PRSS3: variants seen among roughly 807,000 people sequenced by gnomAD.
PRSS3 encodes serine protease 3, also known as trypsin-3.
Under a neutral mutation model 20.8 loss-of-function variants are expected in PRSS3, and 14 were observed. The observed-to-expected ratio is 0.67, with a 90% CI of 0.44 to 1.05. The LOEUF (loss-of-function observed/expected upper bound fraction) is 1.05, where lower values mean the gene tolerates loss of function less well. Ranked by LOEUF, PRSS3 falls within the 50% of genes least tolerant of loss-of-function variation. The pLI, the probability that PRSS3 is intolerant of heterozygous loss-of-function variation, is 0.00. For synonymous variants in PRSS3, 91 were observed against 117.6 expected (o/e 0.77, Z 1.46); for missense variants, 237 against 306.4 (o/e 0.77, Z 1.69).
At chr9:33,755,673 C>G (rs1199835343) in intron 1 of PRSS3, among the ~76,000 whole-genome samples, 1 of 152,182 alleles carries the variant, frequency 6.6e-6, no homozygotes, top group African/African-American at 2.4e-5. Flanking sequence ...CAGTCTTTCC[C>G]CCCACCCCAT....
intron 1 of PRSS3, among the ~76,000 whole-genome samples, chr9:33,768,431 G>A (rs904423761): frequency 4.0e-5 from 6 of 151,490 alleles, no homozygotes; most frequent in African/African-American, 1.5e-4. Flanking sequence ...AGTGAGCTGA[G>A]ATAGCACCAC....
chr9:33,762,517 CTTG>C (rs1313557231), intron 1 of PRSS3, among the ~76,000 whole-genome samples: 1 of 152,206 alleles, frequency 6.6e-6, no homozygotes, highest in Non-Finnish European at 1.5e-5. Flanking sequence ...AGGTATTAAC[CTTG>C]TTATTTGCAG....
At chr9:33,772,072 A>G (rs1287984703) in intron 1 of PRSS3, among the ~76,000 whole-genome samples, 4 of 151,704 alleles carry the variant, frequency 2.6e-5, no homozygotes, top group African/African-American at 9.7e-5. Context: ...GGGTTTCACC[A>G]TGTTGGCCAG....
In PRSS3 at chr9:33,787,168, T is replaced by A. The variant is rs556562012; in HGVS notation, c.-52-7578T>A. Among the ~76,000 whole-genome samples, 3 of 152,310 alleles carry A rather than the reference T, an allele frequency of 2.0e-5. No homozygotes were observed. In the South Asian group the frequency reaches 6.2e-4, roughly 32 times the overall value. Reference sequence around the variant, plus strand: ...TTCCTTCAAGTGGCAGGGTCAGTAATAGCCTTTAACTGTTTTATCTCAAGG... The same window carrying A: ...TTCCTTCAAGTGGCAGGGTCAGTAAAAGCCTTTAACTGTTTTATCTCAAGG... On this transcript the variant is annotated intron_variant, in intron 1 of 5. Coordinates refer to the PRSS3 transcript ENST00000342836.
chr9:33,764,118 A>T (rs1171515054), intron 1 of PRSS3, among the ~76,000 whole-genome samples: 1 of 152,248 alleles, frequency 6.6e-6, no homozygotes, highest in Non-Finnish European at 1.5e-5. Context: ...GATAGACAAG[A>T]TGCCAAGACA....
Position 33,770,439 on chromosome 9 carries a change from C to G in PRSS3, c.-53+19712C>G, listed in dbSNP as rs145031039. Among the ~76,000 whole-genome samples, 16 of 152,210 alleles carry G rather than the reference C, an allele frequency of 1.1e-4. No individual in the cohort carries two copies. In the East Asian group the frequency reaches 2.9e-3, roughly 28 times the overall value. On this transcript the variant is annotated intron_variant, in intron 1 of 5. Coordinates refer to the PRSS3 transcript ENST00000342836. ...CTGGTCTGGGTTAAGACTTCTGGCACTGTTGGGATGGGGATGAGTGTATTT... is the reference window on the plus strand; with the variant it reads ...CTGGTCTGGGTTAAGACTTCTGGCAGTGTTGGGATGGGGATGAGTGTATTT...
At chr9:33,763,820 A>C (rs1018420935) in intron 1 of PRSS3, among the ~76,000 whole-genome samples, 1 of 151,572 alleles carries the variant, frequency 6.6e-6, no homozygotes, top group African/African-American at 2.4e-5. Context: ...TGCATGTGTT[A>C]TTTGCTCTGA....
In PRSS3 at chr9:33,763,322, C is replaced by A. The variant is rs190692612; in HGVS notation, c.-53+12595C>A. ...GTTTGATTTTACTTTTAAGTATATT[C>A]TTTTGGTCAGTCCCAGTCTAACAAA... is the stretch of plus-strand genomic sequence containing the variant. On this transcript the variant is annotated intron_variant, in intron 1 of 5. Transcript: ENST00000342836. Among the ~76,000 whole-genome samples the A allele has an allele frequency of 7.2e-5, 11 of 152,308 alleles. No homozygotes were observed. The East Asian group carries it at 2.1e-3, about 29-fold the overall frequency.
chr9:33,770,142 C>CTG (rs146546140), intron 1 of PRSS3, among the ~76,000 whole-genome samples: 1 of 10,178 alleles, frequency 9.8e-5, no homozygotes, highest in Non-Finnish European at 2.0e-4. Context: ...TGAAATGAAA[C>CTG]TGTCTCAAAA....
intron 1 of PRSS3, among the ~76,000 whole-genome samples, chr9:33,768,916 G>A (rs1823563661): frequency 6.6e-6 from 1 of 152,160 alleles, no homozygotes; most frequent in South Asian, 2.1e-4. Flanking sequence ...GAGAATACAT[G>A]TATCATCAGG....
chr9:33,757,882 G>A (rs910382085), intron 1 of PRSS3, among the ~76,000 whole-genome samples: 3 of 152,004 alleles, frequency 2.0e-5, no homozygotes, highest in South Asian at 2.1e-4. Flanking sequence ...AAATCTGATG[G>A]TATGGAATAG....
chr9:33,785,514 G>A (rs1393289220), intron 1 of PRSS3, among the ~76,000 whole-genome samples: 1 of 152,110 alleles, frequency 6.6e-6, no homozygotes, highest in Non-Finnish European at 1.5e-5. Context: ...GATTTGTTTC[G>A]TGGCCTAGAC....
chr9:33,796,922 C>T, intron 2 of PRSS3, 120 bp downstream of exon 2: 2 of 1,518,504 alleles, frequency 1.3e-6, no homozygotes, highest in Non-Finnish European at 1.8e-6. Flanking sequence ...GAAAAGAAAA[C>T]TTGTTGACAG....
chr9:33,798,772 C>T (rs987897570), intron 4 of PRSS3, 150 bp downstream of exon 4: 6 of 1,287,652 alleles, frequency 4.7e-6, no homozygotes, highest in Admixed American at 4.2e-5. Flanking sequence ...TGAGGCGGCT[C>T]CCTGCATTGC....
intron 1 of PRSS3, among the ~76,000 whole-genome samples, chr9:33,756,719 T>C (rs892191747): frequency 3.9e-5 from 6 of 152,260 alleles, no homozygotes; most frequent in Admixed American, 6.5e-5. Context: ...TAAATGGTTT[T>C]TACAGTATCC....
intron 1 of PRSS3, among the ~76,000 whole-genome samples, chr9:33,761,871 C>T (rs972821648): frequency 5.3e-5 from 8 of 151,544 alleles, no homozygotes; most frequent in African/African-American, 1.9e-4. Context: ...AGAGTGAGAC[C>T]TTGTCTCAAA....
intron 1 of PRSS3, chr9:33,786,815 T>G: frequency 2.6e-6 from 2 of 755,672 alleles, no homozygotes; most frequent in Admixed American, 3.4e-5. Flanking sequence ...CATATACCTC[T>G]GCAGCGTTGA....
intron 1 of PRSS3, among the ~76,000 whole-genome samples, chr9:33,754,513 G>T (rs1190582699): frequency 6.6e-6 from 1 of 151,930 alleles, no homozygotes; most frequent in Admixed American, 6.6e-5. Flanking sequence ...TGTTTTAGAC[G>T]GACACGATGC....
At chr9:33,777,372 G>A (rs570601074) in intron 1 of PRSS3, among the ~76,000 whole-genome samples, 6 of 152,016 alleles carry the variant, frequency 3.9e-5, no homozygotes, top group African/African-American at 1.4e-4. Context: ...ACAAGAAGTA[G>A]TGAAATGTAG....
Sources: gnomAD v4.1 joint callset for allele counts (sites outside exome capture counted in the v4.1 genomes callset) on GRCh38, gnomAD v4.1.1 for gene constraint, MANE v1.5 for transcripts, NCBI Gene and HGNC (gene_info 2026-07-23, HGNC 2026-07-21) for gene names.